Variants in ARL5B observed in about 807,000 individuals in gnomAD.
The protein encoded by ARL5B is ARF like GTPase 5B.
A neutral mutation model predicts 26.9 loss-of-function variants in ARL5B; 10 were observed. The observed-to-expected ratio is 0.37, with a 90% CI of 0.23 to 0.63. The LOEUF (loss-of-function observed/expected upper bound fraction) is 0.63. Among genes scored for constraint, ARL5B ranks in the 30% least tolerant of loss-of-function variants. ARL5B has a pLI of 0.62. For synonymous variants in ARL5B, 87 were observed against 70.4 expected (o/e 1.24, Z -1.18); for missense variants, 167 against 213.9 (o/e 0.78, Z 1.37).
At chr10:18,661,916 G>A (rs1472429875) in intron 1 of ARL5B, among the ~76,000 whole-genome samples, 1 of 152,180 alleles carries the variant, frequency 6.6e-6, no homozygotes, top group Non-Finnish European at 1.5e-5. Flanking sequence ...GAGGAGTGAA[G>A]AGGAGATGAG....
At chr10:18,659,708 G>C (rs2059818322) in intron 1 of ARL5B, 25 bp downstream of exon 1, 1 of 1,607,832 alleles carries the variant, frequency 6.2e-7, no homozygotes, top group East Asian at 2.2e-5. Context: ...GCTGCGCGGC[G>C]GCTCGAATCC....
chr10:18,670,610 CAAAAA>C (rs201444132), intron 3 of ARL5B, among the ~76,000 whole-genome samples: 1 of 149,236 alleles, frequency 6.7e-6, no homozygotes, highest in African/African-American at 2.5e-5. Flanking sequence ...CGCTCTCTCT[CAAAAA>C]AAAAGAAAAG....
At chr10:18,666,456 A>G in intron 1 of ARL5B, 119 bp from the exon 2 acceptor site, 2 of 758,906 alleles carry the variant, frequency 2.6e-6, no homozygotes. Context: ...TTTTAAGTCT[A>G]GTGATAGATA....
At chr10:18,665,344 G>C (rs1332528665) in intron 1 of ARL5B, among the ~76,000 whole-genome samples, 1 of 152,064 alleles carries the variant, frequency 6.6e-6, no homozygotes, top group Non-Finnish European at 1.5e-5. Context: ...AATAAATAAG[G>C]AGAATTATAG....
At chr10:18,661,279 GT>G (rs2059835315) in intron 1 of ARL5B, among the ~76,000 whole-genome samples, 2 of 152,108 alleles carry the variant, frequency 1.3e-5, no homozygotes, top group Admixed American at 6.6e-5. Context: ...ATCCTTTCCC[GT>G]TTTCCTTTCT....
chr10:18,665,352 T>C (rs1430596667), intron 1 of ARL5B, among the ~76,000 whole-genome samples: 1 of 152,114 alleles, frequency 6.6e-6, no homozygotes, highest in Admixed American at 6.6e-5. Flanking sequence ...AGGAGAATTA[T>C]AGTGAGTTAT....
Position 18,659,691 on chromosome 10 carries a change from G to A in ARL5B, c.46+8G>A, listed in dbSNP as rs1210727934. ...GCCTCTTCTGTAACCAAGGTGAGAA[G>A]AATGGAGCTGCGCGGCGGCTCGAAT... On this transcript the variant is annotated splice_region_variant and intron_variant, in intron 1 of 5. Coordinates refer to ENST00000377275, the MANE Select transcript of ARL5B (RefSeq NM_178815.5). 5 of 1,611,968 alleles carry A rather than the reference G, an allele frequency of 3.1e-6. No homozygotes were observed. The highest frequency in any genetic ancestry group is 4.2e-6 in the Non-Finnish European group (5 of 1,179,186).
chr10:18,666,751 T>G (rs546576747), intron 2 of ARL5B, 116 bp downstream of exon 2: 1 of 865,694 alleles, frequency 1.2e-6, no homozygotes, highest in African/African-American at 1.7e-5. Context: ...GTTTTTTGTT[T>G]TTTGTTTTTT....
chr10:18,664,312 C>G (rs1173436877), intron 1 of ARL5B, among the ~76,000 whole-genome samples: 4 of 151,850 alleles, frequency 2.6e-5, no homozygotes, highest in Non-Finnish European at 4.4e-5. Flanking sequence ...GTCTCAAACT[C>G]CTAGATTTAA....
At chr10:18,671,029 G>T (rs1018350750) in intron 3 of ARL5B, among the ~76,000 whole-genome samples, 1 of 151,382 alleles carries the variant, frequency 6.6e-6, no homozygotes. Context: ...CAGGTATTAA[G>T]TAATTATTGA....
At chr10:18,662,370 C>G (rs1028274513) in intron 1 of ARL5B, among the ~76,000 whole-genome samples, 1 of 152,032 alleles carries the variant, frequency 6.6e-6, no homozygotes, top group Non-Finnish European at 1.5e-5. Flanking sequence ...AATTAGATAC[C>G]TTTCTGTGAA....
rs2059914315 is a variant in ARL5B at position 18,677,260 on chromosome 10, G to A, written c.*2044G>A. 1 of 151,064 alleles carries A rather than the reference G, an allele frequency of 6.6e-6. No individual in the cohort carries two copies. Among genetic ancestry groups the A allele is most frequent in the African/African-American group, 2.4e-5 (1 of 40,996 alleles). 9.4% of individuals were successfully genotyped at this position (151,064 alleles called of 1,614,324 possible). A position where few individuals can be genotyped will look rare whatever the true frequency, so the allele number is the denominator to read the frequency against. On this transcript the variant is annotated 3_prime_UTR_variant, in exon 6 of 6. Transcript: ENST00000377275. ...TCAATTTTCTTCTGTCAAATTATAT[G>A]GTTATTTTTTATATTACCACATCAG...
At chr10:18,664,230 G>A (rs2059850337) in intron 1 of ARL5B, among the ~76,000 whole-genome samples, 1 of 152,086 alleles carries the variant, frequency 6.6e-6, no homozygotes, top group South Asian at 2.1e-4. Context: ...GGGATTACAG[G>A]TGTGAGCCAC....
rs535933806 is a variant in ARL5B at position 18,668,898 on chromosome 10, T to C, written c.255+221T>C. On this transcript the variant is annotated intron_variant, in intron 3 of 5. Transcript: ENST00000377275. ...CATTCTCCTGCCTCAGCCTCCCAAA[T>C]AGCAGGAATTACAGGCGAGTGCCAC... is the stretch of plus-strand genomic sequence containing the variant. Among the ~76,000 whole-genome samples the C allele has an allele frequency of 4.6e-5, 7 of 151,132 alleles. No homozygotes were observed. In the South Asian group the frequency reaches 8.4e-4, roughly 18 times the overall value.
At chr10:18,660,847 TTTTA>T (rs1171790124) in intron 1 of ARL5B, among the ~76,000 whole-genome samples, 5 of 152,138 alleles carry the variant, frequency 3.3e-5, no homozygotes, top group African/African-American at 7.2e-5. Context: ...AAAATATTAT[TTTTA>T]TTTATTTATT....
At position 18,674,115 on chromosome 10, in the gene ARL5B, C is replaced by T. The variant is rs751407387; in HGVS notation, c.471C>T (p.Cys157=). The change falls in exon 5 of 6, where the codon TGC becomes TGT. Residue 157 remains cysteine, a synonymous_variant. Transcript: ENST00000377275. The part of the protein sequence containing the change: ...IKDHPWHIQS[C]CALTGEGLCQ... ...ATCATCCATGGCACATTCAATCCTG[C>T]TGTGCTCTCACAGGAGAAGGGTAAG... 1.9e-6 allele frequency: 3 copies of T among 1,611,226 alleles called. No homozygotes were observed. The South Asian group carries it at 3.3e-5, about 18-fold the overall frequency.
intron 1 of ARL5B, among the ~76,000 whole-genome samples, chr10:18,663,738 C>T (rs1459688584): frequency 2.7e-5 from 4 of 150,930 alleles, no homozygotes; most frequent in South Asian, 4.2e-4. Context: ...TTAGTAGAGA[C>T]GGGGTTTCAC....
intron 1 of ARL5B, among the ~76,000 whole-genome samples, chr10:18,665,216 T>C (rs1351199976): frequency 6.6e-6 from 1 of 152,202 alleles, no homozygotes; most frequent in African/African-American, 2.4e-5. Flanking sequence ...GGTGTGCACC[T>C]GTGGTCCCAG....
intron 3 of ARL5B, among the ~76,000 whole-genome samples, chr10:18,670,481 T>A (rs2131643810): frequency 1.3e-5 from 2 of 152,100 alleles, no homozygotes; most frequent in Middle Eastern, 3.4e-3. Flanking sequence ...CATGGTGGCA[T>A]GTGCCTGTAG....
Sources: allele counts gnomAD v4.1 joint callset (sites outside exome capture counted in the v4.1 genomes callset), GRCh38; gene constraint gnomAD v4.1.1; transcripts MANE v1.5; gene names NCBI Gene and HGNC (gene_info 2026-07-23, HGNC 2026-07-21).